FER1L6: variants seen among roughly 807,000 people sequenced by gnomAD.
FER1L6 encodes fer-1 like family member 6, also known as fer-1-like protein 6.
A neutral mutation model predicts 219.2 loss-of-function variants in FER1L6; 177 were observed. That is an observed-to-expected ratio of 0.81 (90% CI 0.71 to 0.91). The LOEUF (loss-of-function observed/expected upper bound fraction) is 0.91, where lower values mean the gene tolerates loss of function less well. Ranked by LOEUF, FER1L6 falls within the 40% of genes least tolerant of loss-of-function variation. The probability of loss-of-function intolerance (pLI) is 0.00; values close to 1 mark genes in which losing one functional copy is unlikely to be tolerated. For missense variants in FER1L6, 2,153 were observed against 2,259.9 expected (o/e 0.95, Z 0.96); for synonymous variants, 768 against 824.3 (o/e 0.93, Z 1.17).
intron 22 of FER1L6, among the ~76,000 whole-genome samples, chr8:124,050,486 G>A (rs902464833): frequency 2.6e-5 from 4 of 152,112 alleles, no homozygotes; most frequent in Admixed American, 6.5e-5. Context: ...AAGTGAGTAG[G>A]TTGAGGGGCC....
At chr8:124,015,534 A>C (rs1352640351) in intron 15 of FER1L6, among the ~76,000 whole-genome samples, 1 of 139,224 alleles carries the variant, frequency 7.2e-6, no homozygotes, top group East Asian at 2.1e-4. Context: ...AGTAAAGAAA[A>C]GAAATAGTTT....
chr8:124,078,921 T>G (rs1445979268), intron 32 of FER1L6, among the ~76,000 whole-genome samples: 2 of 152,204 alleles, frequency 1.3e-5, no homozygotes, highest in East Asian at 3.8e-4. Flanking sequence ...TCTCACAGTT[T>G]GGGATACTGA....
rs555839440 is a variant in FER1L6 at position 124,013,525 on chromosome 8, G to A, written c.1916G>A (p.Arg639Gln). 5.7e-5 allele frequency: 92 copies of A among 1,601,700 alleles called. No homozygotes were observed. Among genetic ancestry groups the A allele is most frequent in the East Asian group, 1.3e-4 (6 of 44,478 alleles). Residue 639 changes from arginine (R) to glutamine (Q), a missense_variant, in exon 15 of 41, where the codon CGG (arginine) becomes CAG (glutamine). Arg to Gln is a conservative substitution (Grantham distance 43). Coordinates refer to ENST00000522917, the MANE Select transcript of FER1L6 (RefSeq NM_001039112.2). ...ACAGTGCTCAGTGACTTCATCAGTCGGAGCAGGTACCGGGAGAGACAGCCG... is the reference window on the plus strand; with the variant it reads ...ACAGTGCTCAGTGACTTCATCAGTCAGAGCAGGTACCGGGAGAGACAGCCG... ...MKTVLSDFIS[R>Q]SSAFISEAEK...
At chr8:124,106,348 A>C (rs1379990164) in intron 39 of FER1L6, among the ~76,000 whole-genome samples, 6 of 150,150 alleles carry the variant, frequency 4.0e-5, no homozygotes, top group African/African-American at 9.8e-5. Flanking sequence ...AAAAAAAAAA[A>C]AAAAAAAAAA....
intron 1 of FER1L6, among the ~76,000 whole-genome samples, chr8:123,909,478 G>A (rs1813014484): frequency 1.3e-5 from 2 of 152,152 alleles, no homozygotes; most frequent in Admixed American, 6.5e-5. Context: ...GGGCAGAGGT[G>A]AGTTAGGAGG....
intron 1 of FER1L6, among the ~76,000 whole-genome samples, chr8:123,923,981 A>G (rs1813464907): frequency 6.7e-6 from 1 of 150,340 alleles, no homozygotes; most frequent in Non-Finnish European, 1.5e-5. Flanking sequence ...CTGGCTGGGC[A>G]TGGTGGCTCA....
At chr8:124,116,428 A>G (rs1011464467) in intron 39 of FER1L6, among the ~76,000 whole-genome samples, 11 of 152,134 alleles carry the variant, frequency 7.2e-5, no homozygotes, top group African/African-American at 2.4e-4. Flanking sequence ...TGCAAGTTAT[A>G]AAGTGCCATA....
intron 1 of FER1L6, among the ~76,000 whole-genome samples, chr8:123,913,747 CAT>C (rs1350823886): frequency 6.6e-6 from 1 of 151,588 alleles, no homozygotes; most frequent in Non-Finnish European, 1.5e-5. Context: ...ACATGTCTAT[CAT>C]ATGTGTGCAT....
intron 11 of FER1L6, chr8:123,984,371 G>A (rs1188866470): frequency 6.6e-6 from 1 of 152,136 alleles, no homozygotes; most frequent in African/African-American, 2.4e-5. Context: ...TGGGCTACAT[G>A]GCCTACATTC....
intron 39 of FER1L6, among the ~76,000 whole-genome samples, chr8:124,118,415 A>G (rs1823337074): frequency 3.9e-5 from 6 of 152,242 alleles, no homozygotes; most frequent in Admixed American, 3.3e-4. Flanking sequence ...AAAAAAAGCC[A>G]TTCAGCAAAT....
At chr8:124,018,021 C>T (rs573459273) in intron 16 of FER1L6, among the ~76,000 whole-genome samples, 2 of 152,196 alleles carry the variant, frequency 1.3e-5, no homozygotes, top group African/African-American at 4.8e-5. Context: ...GGCCCTCTGA[C>T]TCACAAGTCA....
At chr8:124,005,699 T>C (rs1409492072) in intron 13 of FER1L6, among the ~76,000 whole-genome samples, 1 of 152,254 alleles carries the variant, frequency 6.6e-6, no homozygotes, top group African/African-American at 2.4e-5. Flanking sequence ...TAAGTGTTTT[T>C]GAATAAGTTA....
chr8:123,975,192 G>C lies in FER1L6; in HGVS notation c.569G>C (p.Gly190Ala). 2 of 1,611,570 alleles carry C rather than the reference G, an allele frequency of 1.2e-6. No homozygotes were observed. Among genetic ancestry groups the C allele is most frequent in the Non-Finnish European group, 1.7e-6 (2 of 1,179,246 alleles). ...CNKWALLTDP[G>A]DIRTGTKGYL... ...AAGTGGGCCCTGCTCACAGACCCTGGTGACATCAGGACTGGCACCAAGGGG... is the reference window on the plus strand; with the variant it reads ...AAGTGGGCCCTGCTCACAGACCCTGCTGACATCAGGACTGGCACCAAGGGG... Residue 190 changes from glycine to alanine, a missense_variant, in exon 8 of 41, where the codon GGT becomes GCT. By Grantham distance (60) the Gly-to-Ala change is moderately conservative (BLOSUM62 0). Coordinates refer to ENST00000522917, the MANE Select transcript of FER1L6 (RefSeq NM_001039112.2).
At chr8:124,081,469 G>A (rs1821548216) in intron 32 of FER1L6, among the ~76,000 whole-genome samples, 2 of 152,000 alleles carry the variant, frequency 1.3e-5, no homozygotes. Context: ...AGTTGCTAGT[G>A]TTCTCTAGAT....
chr8:124,117,287 G>C (rs1456479013), intron 39 of FER1L6, among the ~76,000 whole-genome samples: 1 of 152,146 alleles, frequency 6.6e-6, no homozygotes, highest in Non-Finnish European at 1.5e-5. Context: ...TAGACTAATA[G>C]AATAAACAAA....
At position 124,010,623 on chromosome 8, in the gene FER1L6, A is replaced by G; in HGVS notation, c.1730A>G (p.Lys577Arg). The G allele has an allele frequency of 6.2e-7, 1 of 1,614,092 alleles. No individual in the cohort carries two copies. Among genetic ancestry groups the G allele is most frequent in the Non-Finnish European group, 8.5e-7 (1 of 1,179,972 alleles). ...RNYNYLPFEA[K>R]KPCVYFISSW... is the part of the protein sequence containing the mutation. ...TACAACTATTTGCCATTTGAGGCTA[A>G]GAAGCCCTGTGTCTATTTCATCAGC... is the stretch of plus-strand genomic sequence containing the variant. The change falls in exon 14 of 41, where the codon AAG (lysine) becomes AGG (arginine). Residue 577 changes from lysine to arginine, a missense_variant. By Grantham distance (26) the Lys-to-Arg change is conservative (BLOSUM62 2). Transcript: ENST00000522917.
chr8:124,019,359 C>A (rs1407378509), intron 16 of FER1L6, among the ~76,000 whole-genome samples: 1 of 152,216 alleles, frequency 6.6e-6, no homozygotes, highest in African/African-American at 2.4e-5. Context: ...AGGTAACCAG[C>A]TTTGCCCCTG....
chr8:123,995,455 T>G (rs1024200576), intron 12 of FER1L6, among the ~76,000 whole-genome samples: 1 of 152,198 alleles, frequency 6.6e-6, no homozygotes, highest in African/African-American at 2.4e-5. Flanking sequence ...TCCAATGTAT[T>G]GGCACATAGT....
At chr8:124,083,366 C>T (rs1428878888) in intron 33 of FER1L6, among the ~76,000 whole-genome samples, 1 of 152,002 alleles carries the variant, frequency 6.6e-6, no homozygotes, top group Non-Finnish European at 1.5e-5. Flanking sequence ...TTTTCTTAAC[C>T]TAATGTCTTT....
Sources: gnomAD v4.1 joint callset for allele counts (sites outside exome capture counted in the v4.1 genomes callset) on GRCh38, gnomAD v4.1.1 for gene constraint, MANE v1.5 for transcripts, NCBI Gene and HGNC (gene_info 2026-07-23, HGNC 2026-07-21) for gene names.